SH3PXD2A: variants seen among roughly 807,000 people sequenced by gnomAD.
SH3PXD2A encodes the protein SH3 and PX domains 2A.
In SH3PXD2A, 32 loss-of-function variants were observed where a neutral mutation model predicts 115.2. The ratio of observed to expected loss-of-function variants is 0.28; its 90% CI spans 0.21 to 0.37. The LOEUF is 0.37. Among genes scored for constraint, SH3PXD2A ranks in the 10% least tolerant of loss-of-function variants. The pLI is 1.00. For missense variants in SH3PXD2A, 1,328 were observed against 1,498.7 expected, an observed-to-expected ratio of 0.89 and a Z score of 1.88; for synonymous variants, 610 against 629.1, an observed-to-expected ratio of 0.97 and a Z score of 0.45.
At chr10:103,668,768 G>A (rs1200261772) in intron 6 of SH3PXD2A, 116 bp from the exon 7 acceptor site, 23 of 923,284 alleles carry the variant, frequency 2.5e-5, no homozygotes, top group Non-Finnish European at 3.6e-5. Flanking sequence ...GGCCAGCCGC[G>A]GGCGGAAGGC....
chr10:103,739,244 C>CA (rs1444413518), intron 3 of SH3PXD2A, among the ~76,000 whole-genome samples: 4 of 152,220 alleles, frequency 2.6e-5, no homozygotes, highest in Non-Finnish European at 4.4e-5. Context: ...TGAGTGAGGC[C>CA]ACCGGGCCAC....
chr10:103,832,096 C>T (rs1050215555), intron 1 of SH3PXD2A, among the ~76,000 whole-genome samples: 58 of 152,296 alleles, frequency 3.8e-4, no homozygotes, highest in African/African-American at 1.3e-3. Context: ...ACCATGGAAG[C>T]ACTCTAGGCC....
At chr10:103,689,557 C>T (rs1213315534) in intron 6 of SH3PXD2A, among the ~76,000 whole-genome samples, 2 of 151,960 alleles carry the variant, frequency 1.3e-5, no homozygotes, top group Admixed American at 1.3e-4. Flanking sequence ...CCCAGCTACT[C>T]GGGAGGCTGA....
chr10:103,672,469 G>A (rs892582268), intron 6 of SH3PXD2A, among the ~76,000 whole-genome samples: 2 of 152,196 alleles, frequency 1.3e-5, no homozygotes, highest in African/African-American at 4.8e-5. Context: ...CCAGAGAAAC[G>A]GACTGTCCTT....
Position 103,701,181 on chromosome 10 carries a change from AT to A in SH3PXD2A, c.399-8126del, listed in dbSNP as rs1482724494. ...CCATCCATCCATCCATCCATCCACC[AT>A]CCATCCATCCATCCATCATCCATTT... On this transcript the variant is annotated intron_variant, in intron 5 of 14. Coordinates refer to ENST00000369774, the MANE Select transcript of SH3PXD2A (RefSeq NM_001394015.1). Among the ~76,000 whole-genome samples, 730 of 121,426 alleles carry A rather than the reference AT, an allele frequency of 6.0e-3. 33 individuals are homozygous for A. Among genetic ancestry groups the A allele is most frequent in the African/African-American group, 0.019 (510 of 26,878 alleles). 79.7% of individuals were successfully genotyped at this position (121,426 alleles called of 152,430 possible). A position where few individuals can be genotyped will look rare whatever the true frequency, so the allele number is the denominator to read the frequency against.
chr10:103,714,681 C>T (rs949382124), intron 5 of SH3PXD2A, among the ~76,000 whole-genome samples: 1 of 152,182 alleles, frequency 6.6e-6, no homozygotes, highest in Non-Finnish European at 1.5e-5. Flanking sequence ...CGTTCTGTTC[C>T]CTCCCTCAGC....
chr10:103,720,026 G>C (rs2038163241), intron 5 of SH3PXD2A, among the ~76,000 whole-genome samples: 1 of 152,152 alleles, frequency 6.6e-6, no homozygotes, highest in African/African-American at 2.4e-5. Flanking sequence ...GGCCACACTA[G>C]GTAATTTCTT....
At chr10:103,812,107 G>C (rs990115814) in intron 1 of SH3PXD2A, among the ~76,000 whole-genome samples, 1 of 152,192 alleles carries the variant, frequency 6.6e-6, no homozygotes, top group African/African-American at 2.4e-5. Context: ...TCACCACTGG[G>C]ACATTCTCCA....
intron 6 of SH3PXD2A, 83 bp from the exon 7 acceptor site, chr10:103,668,735 G>A: frequency 7.7e-7 from 1 of 1,291,362 alleles, no homozygotes; most frequent in Non-Finnish European, 1.1e-6. Flanking sequence ...GGTCCACAGT[G>A]AGTGGCTGCA....
At chr10:103,733,791 G>A (rs1055027097) in intron 4 of SH3PXD2A, among the ~76,000 whole-genome samples, 6 of 151,732 alleles carry the variant, frequency 4.0e-5, no homozygotes, top group Admixed American at 1.3e-4. Flanking sequence ...ATTTTTTTAG[G>A]GACAGGATCG....
intron 1 of SH3PXD2A, among the ~76,000 whole-genome samples, chr10:103,803,715 A>C (rs1440952327): frequency 3.9e-5 from 6 of 152,356 alleles, no homozygotes; most frequent in African/African-American, 1.4e-4. Flanking sequence ...GGACTGAATG[A>C]CATTGTCTAC....
chr10:103,701,688 AT>A, intron 5 of SH3PXD2A, among the ~76,000 whole-genome samples: 1 of 129,602 alleles, frequency 7.7e-6, no homozygotes, highest in Middle Eastern at 5.6e-3. Context: ...TCCATCCATC[AT>A]TCATCCAGCC....
chr10:103,668,624 G>C lies in SH3PXD2A; in HGVS notation c.456C>G (p.Pro152=). 1 of 1,557,788 alleles carries C rather than the reference G, an allele frequency of 6.4e-7. No individual in the cohort carries two copies. Among genetic ancestry groups the C allele is most frequent in the Non-Finnish European group, 8.7e-7 (1 of 1,150,590 alleles). ...GGGCAGTACCTGTCACGTCCTTCTT[G>C]GGCGACTCAGCCCAGCTGGACAGCC... ...SVWLSSWAES[P]KKDVTGADAT... is the part of the protein sequence containing the mutation. The change falls in exon 7 of 15, where the codon CCC becomes CCG. Residue 152 remains proline (P), a synonymous_variant. Coordinates refer to ENST00000369774, the MANE Select transcript of SH3PXD2A (RefSeq NM_001394015.1).
chr10:103,769,426 T>G (rs2038795515), intron 2 of SH3PXD2A, among the ~76,000 whole-genome samples: 1 of 147,070 alleles, frequency 6.8e-6, no homozygotes, highest in Non-Finnish European at 1.5e-5. Context: ...CATGATTTTT[T>G]CTTTTTCTTT....
chr10:103,715,693 C>CT (rs2038097239), intron 5 of SH3PXD2A, among the ~76,000 whole-genome samples: 1 of 152,252 alleles, frequency 6.6e-6, no homozygotes, highest in African/African-American at 2.4e-5. Flanking sequence ...AGCCTGGACT[C>CT]TAACTCAAGA....
At chr10:103,767,650 C>T (rs1428478008) in intron 2 of SH3PXD2A, among the ~76,000 whole-genome samples, 2 of 152,130 alleles carry the variant, frequency 1.3e-5, no homozygotes, top group African/African-American at 4.8e-5. Flanking sequence ...GGAAACAGAA[C>T]CAGCTGTTAT....
intron 5 of SH3PXD2A, among the ~76,000 whole-genome samples, chr10:103,694,279 T>TG (rs11394128): frequency 0.52 from 75,045 of 144,936 alleles, 18,954 homozygotes; most frequent in South Asian, 0.7. Flanking sequence ...AAGGCGGGGT[T>TG]GGGGGTTTGG....
chr10:103,661,696 G>C, intron 7 of SH3PXD2A: 1 of 985,390 alleles, frequency 1.0e-6, no homozygotes, highest in Non-Finnish European at 1.2e-6. Context: ...GAGCGGGAGA[G>C]AGCTTCTCCA....
intron 5 of SH3PXD2A, among the ~76,000 whole-genome samples, chr10:103,714,873 C>T (rs1172095008): frequency 6.6e-6 from 1 of 152,202 alleles, no homozygotes; most frequent in African/African-American, 2.4e-5. Context: ...GACCAGAATG[C>T]AGCCAGGCAT....
Sources: allele counts gnomAD v4.1 joint callset (sites outside exome capture counted in the v4.1 genomes callset), GRCh38; gene constraint gnomAD v4.1.1; transcripts MANE v1.5; gene names NCBI Gene and HGNC (gene_info 2026-07-23, HGNC 2026-07-21).